The following ERI3 variants were observed in gnomAD, a reference collection of about 807,000 sequenced individuals.
ERI3 encodes the protein ERI1 exoribonuclease family member 3, also known as ERI1 exoribonuclease 3.
In ERI3, 18 loss-of-function variants were observed where a neutral mutation model predicts 44.4. The ratio of observed to expected loss-of-function variants is 0.41; its 90% CI spans 0.28 to 0.60. The LOEUF (loss-of-function observed/expected upper bound fraction) is 0.60, where lower values mean the gene tolerates loss of function less well. Among genes scored for constraint, ERI3 ranks in the 20% least tolerant of loss-of-function variants. The pLI, the probability that ERI3 is intolerant of heterozygous loss-of-function variation, is 0.36. For synonymous variants in ERI3, 183 were observed against 164.8 expected (o/e 1.11, Z -0.84); for missense variants, 294 against 435.5 (o/e 0.68, Z 2.89).
intron 7 of ERI3, among the ~76,000 whole-genome samples, chr1:44,268,419 C>T (rs1193547473): frequency 1.3e-5 from 2 of 152,162 alleles, no homozygotes; most frequent in East Asian, 3.8e-4. Flanking sequence ...CATACATTGC[C>T]CATCTCTTCT....
At chr1:44,342,195 T>A (rs1646668023) in intron 2 of ERI3, among the ~76,000 whole-genome samples, 1 of 152,066 alleles carries the variant, frequency 6.6e-6, no homozygotes, top group African/African-American at 2.4e-5. Flanking sequence ...GAGGAAGACA[T>A]CCTTGCAGAA....
intron 4 of ERI3, among the ~76,000 whole-genome samples, chr1:44,315,735 G>C (rs190484972): frequency 3.0e-4 from 45 of 152,382 alleles, no homozygotes; most frequent in African/African-American, 1.1e-3. Flanking sequence ...AGGGGCTTGA[G>C]CAGTTGGCTC....
chr1:44,320,387 G>A (rs1431239820), intron 3 of ERI3, among the ~76,000 whole-genome samples: 1 of 152,168 alleles, frequency 6.6e-6, no homozygotes, highest in African/African-American at 2.4e-5. Context: ...GAAACATAAT[G>A]GAAGAGAAGG....
At chr1:44,318,737 T>A (rs2154329016) in intron 4 of ERI3, among the ~76,000 whole-genome samples, 1 of 152,338 alleles carries the variant, frequency 6.6e-6, no homozygotes, top group African/African-American at 2.4e-5. Context: ...TTTTCACCTA[T>A]TTCATTCACA....
At chr1:44,272,920 GT>G (rs571018430) in intron 7 of ERI3, among the ~76,000 whole-genome samples, 6 of 151,150 alleles carry the variant, frequency 4.0e-5, no homozygotes, top group East Asian at 1.9e-4. Context: ...ATTTACTATA[GT>G]TTTTTTTTCC....
intron 6 of ERI3, among the ~76,000 whole-genome samples, chr1:44,293,712 A>C (rs1300744900): frequency 6.6e-6 from 1 of 152,264 alleles, no homozygotes; most frequent in Non-Finnish European, 1.5e-5. Context: ...TAAAGCCAGG[A>C]ATCGAAACTA....
chr1:44,274,223 T>A (rs1645138274), intron 7 of ERI3, among the ~76,000 whole-genome samples: 1 of 152,232 alleles, frequency 6.6e-6, no homozygotes, highest in Admixed American at 6.5e-5. Context: ...GCATATATTA[T>A]CTGTCTCCCT....
intron 6 of ERI3, among the ~76,000 whole-genome samples, chr1:44,292,404 C>T (rs557542862): frequency 2.0e-5 from 3 of 152,262 alleles, no homozygotes; most frequent in African/African-American, 7.2e-5. Flanking sequence ...CTACCTCAAC[C>T]GACCACTTTA....
intron 8 of ERI3, among the ~76,000 whole-genome samples, chr1:44,238,234 G>A (rs1456127838): frequency 1.3e-5 from 2 of 152,110 alleles, no homozygotes; most frequent in Admixed American, 1.3e-4. Context: ...TTATGGCTGC[G>A]GCAGGCGGGG....
At chr1:44,271,344 T>C (rs1243388468) in intron 7 of ERI3, among the ~76,000 whole-genome samples, 2 of 152,224 alleles carry the variant, frequency 1.3e-5, no homozygotes, top group African/African-American at 4.8e-5. Flanking sequence ...ACTTCTCCCT[T>C]TGCCTGGATG....
At chr1:44,284,177 A>G (rs1645345746) in intron 7 of ERI3, 4 of 415,804 alleles carry the variant, frequency 9.6e-6, no homozygotes, top group South Asian at 5.3e-5. Context: ...ACAGTTTTCT[A>G]AGTGATTCAT....
At chr1:44,242,606 C>T (rs1164872252) in intron 8 of ERI3, among the ~76,000 whole-genome samples, 1 of 152,206 alleles carries the variant, frequency 6.6e-6, no homozygotes, top group African/African-American at 2.4e-5. Context: ...TGGACACGGT[C>T]ACTCTGTCAA....
intron 2 of ERI3, among the ~76,000 whole-genome samples, chr1:44,344,084 C>T (rs1414794357): frequency 6.6e-6 from 1 of 151,784 alleles, no homozygotes; most frequent in East Asian, 1.9e-4. Context: ...ACTAAAAATA[C>T]AAAAATTAGC....
At chr1:44,351,753 A>G (rs933114579) in intron 2 of ERI3, among the ~76,000 whole-genome samples, 5 of 152,100 alleles carry the variant, frequency 3.3e-5, no homozygotes, top group African/African-American at 1.2e-4. Context: ...CTGACCACTA[A>G]GTACTCTGTT....
intron 8 of ERI3, among the ~76,000 whole-genome samples, chr1:44,230,017 C>A (rs1329617699): frequency 6.6e-6 from 1 of 152,138 alleles, no homozygotes; most frequent in Non-Finnish European, 1.5e-5. Flanking sequence ...CCCCTTGAAT[C>A]ATTAAATATG....
rs1306715456 is a variant in ERI3, at chr1:44,252,568, G to T, written c.832-4530C>A. Among the ~76,000 whole-genome samples the T allele has an allele frequency of 6.6e-6, 1 of 152,218 alleles. No individual in the cohort carries two copies. The highest frequency in any genetic ancestry group is 1.5e-5 in the Non-Finnish European group (1 of 68,038). On this transcript the variant is annotated intron_variant, in intron 7 of 8. Transcript: ENST00000372257. The surrounding 1 kb of genome is among the most constrained non-coding windows in gnomAD (Gnocchi z 4.7). ...AATTACATTGCTGGGCCCGCGAAATGGAATCGTGTATAATCAGCCTCCTCC... is the reference window on the plus strand; with the variant it reads ...AATTACATTGCTGGGCCCGCGAAATTGAATCGTGTATAATCAGCCTCCTCC...
chr1:44,298,107 T>G (rs1224091053), intron 6 of ERI3, among the ~76,000 whole-genome samples: 1 of 152,256 alleles, frequency 6.6e-6, no homozygotes, highest in Non-Finnish European at 1.5e-5. Flanking sequence ...AGCACTGGAA[T>G]GCAAACTCCA....
At position 44,349,000 on chromosome 1, in the gene ERI3, C is replaced by T. The variant is rs181108873; in HGVS notation, c.211+3850G>A. Among the ~76,000 whole-genome samples, 18 of 152,230 alleles carry T rather than the reference C, an allele frequency of 1.2e-4. No individual in the cohort carries two copies. The East Asian group carries it at 1.7e-3, about 15-fold the overall frequency. On this transcript the variant is annotated intron_variant, in intron 2 of 8. Coordinates refer to ENST00000372257, the MANE Select transcript of ERI3 (RefSeq NM_024066.3). Reference sequence around the variant, plus strand: ...AGAGGCACTTTACAAAGATGTAAGGCCACAGGGTATCAACACTAATAAATG... The same window carrying T: ...AGAGGCACTTTACAAAGATGTAAGGTCACAGGGTATCAACACTAATAAATG...
chr1:44,294,237 A>G (rs1231755886), intron 6 of ERI3, among the ~76,000 whole-genome samples: 2 of 152,356 alleles, frequency 1.3e-5, no homozygotes, highest in African/African-American at 4.8e-5. Flanking sequence ...CAGGCAGTGC[A>G]GAGGGATGCT....
Sources: gnomAD v4.1 joint callset for allele counts (sites outside exome capture counted in the v4.1 genomes callset) on GRCh38, gnomAD v4.1.1 for gene constraint, Gnocchi (gnomAD v3.1) non-coding constraint, MANE v1.5 for transcripts, NCBI Gene and HGNC (gene_info 2026-07-23, HGNC 2026-07-21) for gene names.